The following SURF4 variants were observed in gnomAD, a reference collection of about 807,000 sequenced individuals.
SURF4 encodes the protein surfeit locus protein 4.
In SURF4, 3 loss-of-function variants were observed where a neutral mutation model predicts 30.0. That is an observed-to-expected ratio of 0.10 (90% CI 0.05 to 0.26). The LOEUF is 0.26. Ranked by LOEUF, SURF4 falls within the 10% of genes least tolerant of loss-of-function variation. The probability of loss-of-function intolerance (pLI) is 1.00; values close to 1 mark genes in which losing one functional copy is unlikely to be tolerated. For missense variants in SURF4, 217 were observed against 350.8 expected (o/e 0.62, Z 3.05); for synonymous variants, 143 against 139.9 (o/e 1.02, Z -0.16).
intron 1 of SURF4, among the ~76,000 whole-genome samples, chr9:133,374,727 T>A (rs896667055): frequency 6.6e-6 from 1 of 152,028 alleles, no homozygotes; most frequent in Admixed American, 6.5e-5. Context: ...GATGGTGAGG[T>A]CACACTAGAA....
At chr9:133,376,539 A>G, upstream of SURF4, 14 of 1,600,124 alleles carry the variant, frequency 8.7e-6, no homozygotes, top group Non-Finnish European at 1.2e-5. Context: ...GGTCCCCCGG[A>G]GAGCCCATGG....
At chr9:133,372,148 T>G (rs1041919456) in intron 1 of SURF4, among the ~76,000 whole-genome samples, 1 of 152,212 alleles carries the variant, frequency 6.6e-6, no homozygotes, top group South Asian at 2.1e-4. Context: ...AGCTCCTGCA[T>G]AGAGCACGTC....
chr9:133,363,939 A>G lies in SURF4; in HGVS notation c.544-180T>C, dbSNP rs1391822666. 3 of 777,076 alleles carry G rather than the reference A, an allele frequency of 3.9e-6. No individual in the cohort carries two copies. In the Admixed American group the frequency reaches 6.0e-5, roughly 16 times the overall value. The allele number at this position is 777,076 out of a possible 1,614,324, so 48.1% of individuals were successfully genotyped here. On this transcript the variant is annotated intron_variant, in intron 5 of 5. Transcript: ENST00000371989. This position sits in a 1 kb window ranked among gnomAD's most constrained non-coding sequence, Gnocchi z 4.3. The stretch of plus-strand genomic sequence containing the variant: ...AAGCCAAAGGGAGGCAGGAGGCAAT[A>G]AAGCACCAGCTTTGAAATGTGGAAG...
intron 5 of SURF4, 25 bp downstream of exon 5, chr9:133,364,815 G>T (rs2130109655): frequency 1.2e-6 from 2 of 1,613,030 alleles, no homozygotes; most frequent in South Asian, 1.1e-5. Context: ...AAACCAGACC[G>T]GTTCAGGCAA....
At chr9:133,376,984 G>A (rs2130252445), upstream of SURF4, among the ~76,000 whole-genome samples, 7 of 152,182 alleles carry the variant, frequency 4.6e-5, no homozygotes, top group Non-Finnish European at 8.8e-5. Context: ...CAAAAGGAAA[G>A]CTGCAAAATA....
chr9:133,370,186 T>C (rs2130177509), intron 1 of SURF4, among the ~76,000 whole-genome samples: 3 of 152,166 alleles, frequency 2.0e-5, no homozygotes, highest in Non-Finnish European at 2.9e-5. Flanking sequence ...AAAGTCTCTT[T>C]GAATGAGTCT....
intron 5 of SURF4, among the ~76,000 whole-genome samples, chr9:133,364,443 C>T (rs1168464553): frequency 6.6e-6 from 1 of 152,166 alleles, no homozygotes. Context: ...GTAATCCCAG[C>T]AATTTGGGAG....
At chr9:133,375,507 C>T in intron 1 of SURF4, 1 of 765,516 alleles carries the variant, frequency 1.3e-6, no homozygotes, top group Non-Finnish European at 1.6e-6. Context: ...CCCAGCCCGC[C>T]TCCGGGAGCC....
In SURF4 at chr9:133,363,862, C is replaced by G. The variant is rs2130094871; in HGVS notation, c.544-103G>C. The G allele has an allele frequency of 1.4e-6, 2 of 1,441,284 alleles. No individual in the cohort carries two copies. Among genetic ancestry groups the G allele is most frequent in the Non-Finnish European group, 1.9e-6 (2 of 1,036,006 alleles). 89.3% of individuals were successfully genotyped at this position (1,441,284 alleles called of 1,614,324 possible). On this transcript the variant is annotated intron_variant, in intron 5 of 5. Coordinates refer to ENST00000371989, the MANE Select transcript of SURF4 (RefSeq NM_033161.4). The surrounding 1 kb of genome is among the most constrained non-coding windows in gnomAD (Gnocchi z 4.3). ...TGCACGTCATGAAGTCTCTATCCAT[C>G]AGGCTGATGTAGCTACTGCTGAGAC...
chr9:133,365,840 A>G, intron 4 of SURF4, 145 bp downstream of exon 4: 1 of 793,706 alleles, frequency 1.3e-6, no homozygotes, highest in East Asian at 2.5e-5. Flanking sequence ...GAAAATCCAA[A>G]ACCTGAAATG....
intron 1 of SURF4, among the ~76,000 whole-genome samples, chr9:133,371,851 C>G (rs2130192627): frequency 9.2e-5 from 14 of 152,296 alleles, no homozygotes; most frequent in African/African-American, 3.1e-4. Flanking sequence ...GGGCCGAGGC[C>G]AGCTCCTAGG....
chr9:133,366,590 C>A lies in SURF4; in HGVS notation c.312+9G>T. The A allele has an allele frequency of 6.2e-7, 1 of 1,613,762 alleles. No individual in the cohort carries two copies. Among genetic ancestry groups the A allele is most frequent in the Non-Finnish European group, 8.5e-7 (1 of 1,179,942 alleles). ...AGAGAAGGGAGCCCCGACCACGCGGCCCGTGTACCTGCAGAGCTATGATTC... is the reference window on the plus strand; with the variant it reads ...AGAGAAGGGAGCCCCGACCACGCGGACCGTGTACCTGCAGAGCTATGATTC... On this transcript the variant is annotated intron_variant, in intron 3 of 5. Coordinates refer to ENST00000371989, the MANE Select transcript of SURF4 (RefSeq NM_033161.4).
chr9:133,363,574 C>T lies in SURF4; in HGVS notation c.729G>A (p.Met243Ile). The T allele has an allele frequency of 6.2e-7, 1 of 1,614,168 alleles. No homozygotes were observed. The highest frequency in any genetic ancestry group is 8.5e-7 in the Non-Finnish European group (1 of 1,180,030). ...CCAGGAGCAAGCCCCCAATCACCGA[C>T]ATGGTCTGGAAGAAGTCGTATTTCA... is the stretch of plus-strand genomic sequence containing the variant. ...DFLKYDFFQTMSVIGGLLLVV... is the reference protein window; with the variant it reads ...DFLKYDFFQTISVIGGLLLVV... Residue 243 changes from methionine (M) to isoleucine (I), a missense_variant, in exon 6 of 6, where the codon ATG becomes ATA. By Grantham distance (10) the Met-to-Ile change is conservative. Transcript: ENST00000371989. The surrounding 1 kb of genome is among the most constrained non-coding windows in gnomAD (Gnocchi z 4.3).
At chr9:133,371,033 C>A (rs889794799) in intron 1 of SURF4, 10 of 1,274,748 alleles carry the variant, frequency 7.8e-6, no homozygotes, top group Middle Eastern at 2.1e-4. Flanking sequence ...ATTTTAGAAA[C>A]GTAATTAATT....
intron 1 of SURF4, among the ~76,000 whole-genome samples, chr9:133,373,768 A>G (rs1461217116): frequency 6.7e-6 from 1 of 150,212 alleles, no homozygotes; most frequent in Non-Finnish European, 1.5e-5. Flanking sequence ...AAATACAAAA[A>G]AATTAGCTGG....
In SURF4 at chr9:133,363,963, AGGTTT is replaced by A. The variant is rs2130097336; in HGVS notation, c.544-209_544-205del. 56 of 733,568 alleles carry A rather than the reference AGGTTT, an allele frequency of 7.6e-5. No homozygotes were observed. The highest frequency in any genetic ancestry group is 1.1e-4 in the Non-Finnish European group (46 of 402,704). The allele number at this position is 733,568 out of a possible 1,614,324, so 45.4% of individuals were successfully genotyped here. A position where few individuals can be genotyped will look rare whatever the true frequency, so the allele number is the denominator to read the frequency against. On this transcript the variant is annotated intron_variant, in intron 5 of 5. Coordinates refer to ENST00000371989, the MANE Select transcript of SURF4 (RefSeq NM_033161.4). This position sits in a 1 kb window ranked among gnomAD's most constrained non-coding sequence, Gnocchi z 4.3. ...TAAAGCACCAGCTTTGAAATGTGGA[AGGTTT>A]GGGGAAGACTGAAGTTCCCAACTAG...
chr9:133,361,961 G>A lies in SURF4; in HGVS notation c.*1532C>T, dbSNP rs1334180673. 6.6e-6 allele frequency: 1 copy of A among 151,988 alleles called. No individual in the cohort carries two copies. Among genetic ancestry groups the A allele is most frequent in the Non-Finnish European group, 1.5e-5 (1 of 68,062 alleles). The allele number at this position is 151,988 out of a possible 1,614,324, so 9.4% of individuals were successfully genotyped here. ...AGTGAGCACTTGAATGATCACAGGA[G>A]AAGAGAACCCATGTCCTGAAGCCAT... On this transcript the variant is annotated 3_prime_UTR_variant, in exon 6 of 6. Coordinates refer to ENST00000371989, the MANE Select transcript of SURF4 (RefSeq NM_033161.4).
At chr9:133,369,125 T>C (rs2130166616) in intron 1 of SURF4, among the ~76,000 whole-genome samples, 6 of 152,220 alleles carry the variant, frequency 3.9e-5, no homozygotes, top group African/African-American at 1.4e-4. Context: ...AGGTCAGCAC[T>C]GCAGATTGGC....
chr9:133,376,523 G>A (rs2130248858), upstream of SURF4: 3 of 1,601,772 alleles, frequency 1.9e-6, no homozygotes, highest in Admixed American at 5.1e-5. Context: ...GGGGAGCGAG[G>A]CCCAGGGTCC....
Sources: allele counts gnomAD v4.1 joint callset (sites outside exome capture counted in the v4.1 genomes callset), GRCh38; gene constraint gnomAD v4.1.1; non-coding constraint Gnocchi (gnomAD v3.1); transcripts MANE v1.5; gene names NCBI Gene and HGNC (gene_info 2026-07-23, HGNC 2026-07-21).